SUGCT: variants seen among roughly 807,000 people sequenced by gnomAD.
SUGCT encodes succinyl-CoA:glutarate-CoA transferase.
In SUGCT, 41 loss-of-function variants were observed where a neutral mutation model predicts 55.0. The observed-to-expected ratio is 0.74, with a 90% CI of 0.58 to 0.97. The LOEUF is 0.97. Among genes scored for constraint, SUGCT ranks in the 50% least tolerant of loss-of-function variants. SUGCT has a pLI of 0.00. For missense variants in SUGCT, 568 were observed against 547.8 expected, an observed-to-expected ratio of 1.04 and a Z score of -0.37; for synonymous variants, 187 against 200.4, an observed-to-expected ratio of 0.93 and a Z score of 0.56.
At chr7:40,897,772 ATT>A in the SUGCT span, among the ~76,000 whole-genome samples, 1 of 152,158 alleles carries the variant, frequency 6.6e-6, no homozygotes, top group Non-Finnish European at 1.5e-5. Context: ...TAGCTAAAGG[ATT>A]GTAAACACAC....
chr7:40,751,440 T>C (rs1788007133), intron 13 of SUGCT, among the ~76,000 whole-genome samples: 1 of 152,078 alleles, frequency 6.6e-6, no homozygotes, highest in Admixed American at 6.6e-5. Flanking sequence ...ATTAGGGTCA[T>C]GGGAATAGAA....
intron 9 of SUGCT, among the ~76,000 whole-genome samples, chr7:40,325,903 T>TTG (rs1796006317): frequency 7.0e-6 from 1 of 142,704 alleles, no homozygotes; most frequent in African/African-American, 2.5e-5. Flanking sequence ...TGCGTCTTTT[T>TTG]TTTTTGTTTG....
intron 1 of SUGCT, among the ~76,000 whole-genome samples, chr7:40,171,026 G>C (rs1359779579): frequency 6.6e-6 from 1 of 152,194 alleles, no homozygotes; most frequent in East Asian, 1.9e-4. Flanking sequence ...AGATGCAACA[G>C]TTCTTATGCA....
chr7:40,845,921 C>A (rs959968386), intron 13 of SUGCT, among the ~76,000 whole-genome samples: 1 of 152,104 alleles, frequency 6.6e-6, no homozygotes, highest in Non-Finnish European at 1.5e-5. Context: ...TTCTGAAAGA[C>A]TAGTATCATC....
At chr7:40,252,153 G>T (rs1204045243) in intron 7 of SUGCT, among the ~76,000 whole-genome samples, 2 of 152,012 alleles carry the variant, frequency 1.3e-5, no homozygotes, top group African/African-American at 4.8e-5. Context: ...AAGATTTTTT[G>T]AGACAGGGTC....
At chr7:40,898,731 C>T in the SUGCT span, among the ~76,000 whole-genome samples, 2 of 151,822 alleles carry the variant, frequency 1.3e-5, no homozygotes, top group African/African-American at 2.4e-5. Context: ...CACGAGGGTA[C>T]GCGGCTTCAT....
At chr7:40,808,865 T>A (rs922762158) in intron 13 of SUGCT, among the ~76,000 whole-genome samples, 1 of 152,190 alleles carries the variant, frequency 6.6e-6, no homozygotes, top group African/African-American at 2.4e-5. Flanking sequence ...CTTGTCCTTT[T>A]ACTTGTTAAT....
At chr7:41,008,908 G>A in the SUGCT span, among the ~76,000 whole-genome samples, 185 of 152,204 alleles carry the variant, frequency 1.2e-3, 4 homozygotes, top group East Asian at 0.027. Flanking sequence ...AAGGGATGGT[G>A]TCTGGTCCCG....
At chr7:40,349,366 GTAA>G (rs1188402373) in intron 9 of SUGCT, among the ~76,000 whole-genome samples, 33 of 151,468 alleles carry the variant, frequency 2.2e-4, no homozygotes, top group African/African-American at 8.0e-4. Flanking sequence ...GTCTTTTTTT[GTAA>G]CAGAGTCTTG....
At chr7:40,336,356 C>G (rs147086259) in intron 9 of SUGCT, among the ~76,000 whole-genome samples, 23,642 of 152,082 alleles carry the variant, frequency 0.16, 1,949 homozygotes, top group South Asian at 0.22. Context: ...TGGTAGAATT[C>G]GGCTGTGAAT....
intron 9 of SUGCT, among the ~76,000 whole-genome samples, chr7:40,395,713 G>T (rs1785692258): frequency 6.6e-6 from 1 of 151,968 alleles, no homozygotes; most frequent in African/African-American, 2.4e-5. Context: ...ACCTTTTAAT[G>T]GAAGCATGAG....
intron 12 of SUGCT, among the ~76,000 whole-genome samples, chr7:40,531,404 C>T (rs772248957): frequency 1.3e-5 from 2 of 152,012 alleles, no homozygotes; most frequent in Non-Finnish European, 2.9e-5. Context: ...CTCATTATCA[C>T]AGAGGAGTTA....
At chr7:40,174,898 C>G (rs1275462970) in intron 1 of SUGCT, among the ~76,000 whole-genome samples, 1 of 152,166 alleles carries the variant, frequency 6.6e-6, no homozygotes, top group East Asian at 1.9e-4. Flanking sequence ...GTCCATTTCA[C>G]CCCACTTTTG....
intron 6 of SUGCT, among the ~76,000 whole-genome samples, chr7:40,211,912 T>G (rs956778332): frequency 6.6e-6 from 1 of 152,160 alleles, no homozygotes; most frequent in African/African-American, 2.4e-5. Context: ...TTTTACATCA[T>G]AGTGCATTTT....
In SUGCT at chr7:40,287,193, A is replaced by AT. The variant is rs575131786; in HGVS notation, c.720+12545dup. 5.3e-5 allele frequency among the ~76,000 whole-genome samples: 8 copies of AT among 152,032 alleles called. No individual in the cohort carries two copies. In the South Asian group the frequency reaches 1.0e-3, roughly 20 times the overall value. ...TAGAACTTAATGTGATCATATATTC[A>AT]TTTTTTTTAATCTTACAACCTTGCT... On this transcript the variant is annotated intron_variant, in intron 8 of 13. Transcript: ENST00000335693.
intron 12 of SUGCT, among the ~76,000 whole-genome samples, chr7:40,723,574 A>G (rs1346157182): frequency 6.6e-6 from 1 of 152,196 alleles, no homozygotes; most frequent in Non-Finnish European, 1.5e-5. Flanking sequence ...AATGAGGTTT[A>G]CTTTGACTTA....
chr7:40,347,135 C>T (rs1357898779), intron 9 of SUGCT, among the ~76,000 whole-genome samples: 6 of 152,226 alleles, frequency 3.9e-5, no homozygotes, highest in Middle Eastern at 3.4e-3. Context: ...GCCAAGATTG[C>T]CATGAAGCAA....
intron 9 of SUGCT, among the ~76,000 whole-genome samples, chr7:40,425,803 G>A (rs1465256544): frequency 6.6e-6 from 1 of 152,096 alleles, no homozygotes; most frequent in African/African-American, 2.4e-5. Context: ...CAGAAAGGCA[G>A]TATCTGGTGG....
At chr7:40,395,845 A>G (rs546154164) in intron 9 of SUGCT, among the ~76,000 whole-genome samples, 55 of 152,324 alleles carry the variant, frequency 3.6e-4, no homozygotes, top group African/African-American at 1.2e-3. Flanking sequence ...CTCCTAAAAA[A>G]ATGAAGAGTT....
Sources: gnomAD v4.1 joint callset for allele counts (sites outside exome capture counted in the v4.1 genomes callset) on GRCh38, gnomAD v4.1.1 for gene constraint, MANE v1.5 for transcripts, NCBI Gene and HGNC (gene_info 2026-07-23, HGNC 2026-07-21) for gene names.